DOCK8: variants seen among roughly 807,000 people sequenced by gnomAD.
DOCK8 encodes dedicator of cytokinesis protein 8.
Under a neutral mutation model 245.6 loss-of-function variants are expected in DOCK8, and 141 were observed. That is an observed-to-expected ratio of 0.57 (90% CI 0.50 to 0.66). The LOEUF is 0.66. DOCK8 is among the 30% of genes least tolerant of loss of function. DOCK8 has a pLI of 0.00. For synonymous variants in DOCK8, 1,168 were observed against 970.2 expected (o/e 1.20, Z -3.79); for missense variants, 2,965 against 2,603.4 (o/e 1.14, Z -3.02).
chr9:403,917 C>CAT (rs752540957), intron 26 of DOCK8, among the ~76,000 whole-genome samples: 65 of 65,118 alleles, frequency 1.0e-3, no homozygotes, highest in African/African-American at 2.8e-3. Context: ...TATATATATA[C>CAT]ATATATATAT....
chr9:350,175 C>T (rs79773858), intron 14 of DOCK8, among the ~76,000 whole-genome samples: 3,684 of 152,252 alleles, frequency 0.024, 155 homozygotes, highest in African/African-American at 0.084. Context: ...TGCAGTGGTA[C>T]GATTCTAGCT....
chr9:336,747 AT>A, intron 12 of DOCK8, 29 bp downstream of exon 12: 1 of 1,613,546 alleles, frequency 6.2e-7, no homozygotes, highest in Non-Finnish European at 8.5e-7. Flanking sequence ...GTGTGTCTGG[AT>A]TTTTCCCCAT....
intron 4 of DOCK8, among the ~76,000 whole-genome samples, chr9:301,415 G>A (rs900814851): frequency 6.6e-6 from 1 of 152,160 alleles, no homozygotes; most frequent in Non-Finnish European, 1.5e-5. Flanking sequence ...AGCTGGAAGC[G>A]TTCCTCTTGA....
intron 3 of DOCK8, 99 bp from the exon 4 acceptor site, chr9:289,411 A>C: frequency 3.2e-6 from 3 of 929,004 alleles, no homozygotes; most frequent in Non-Finnish European, 5.3e-6. Context: ...TCTCACTGAT[A>C]AGGATTTAAA....
chr9:448,426 C>T (rs955596385), intron 44 of DOCK8, among the ~76,000 whole-genome samples: 1 of 152,170 alleles, frequency 6.6e-6, no homozygotes, highest in African/African-American at 2.4e-5. Context: ...CTTGGCCTTC[C>T]TTCGTTCCCC....
intron 35 of DOCK8, among the ~76,000 whole-genome samples, chr9:428,824 T>G (rs1416433622): frequency 6.6e-6 from 1 of 152,160 alleles, no homozygotes; most frequent in East Asian, 1.9e-4. Flanking sequence ...CTCTGCTGAG[T>G]GAGATTAAAT....
intron 5 of DOCK8, among the ~76,000 whole-genome samples, chr9:307,097 G>A (rs141522840): frequency 4.3e-4 from 65 of 152,218 alleles, no homozygotes; most frequent in African/African-American, 1.5e-3. Flanking sequence ...AAGGAGCCAG[G>A]CCCTTTGACC....
rs1255825416 is a variant in DOCK8 at position 404,926 on chromosome 9, C to G, written c.3243C>G (p.Ala1081=). Residue 1081 remains alanine (A), a synonymous_variant, in exon 27 of 48, where the codon GCC becomes GCG. Coordinates refer to ENST00000432829, the MANE Select transcript of DOCK8 (RefSeq NM_203447.4). The stretch of plus-strand genomic sequence containing the variant: ...TTCATTTTTCTTCCCAGCTGTCAGC[C>G]AAGCTCAGTAACCTTCCAACGCTCA... ...LIRHYCSQLS[A]KLSNLPTLIS... The G allele has an allele frequency of 1.2e-6, 2 of 1,614,064 alleles. No individual in the cohort carries two copies. The highest frequency in any genetic ancestry group is 1.7e-6 in the Non-Finnish European group (2 of 1,180,016).
Position 451,967 on chromosome 9 carries a change from ATATATATATATTTTTTTTT to A in DOCK8, c.5962-42_5962-24del, listed in dbSNP as rs1564085326. On this transcript the variant is annotated intron_variant, in intron 45 of 47. Coordinates refer to ENST00000432829, the MANE Select transcript of DOCK8 (RefSeq NM_203447.4). Reference sequence around the variant, plus strand: ...TATGTGTGTGTGTGTATATATATATATATATATATATTTTTTTTTTTTTTTTTTTTTTTTTCCCACCAGG... The same window carrying A: ...TATGTGTGTGTGTGTATATATATATATTTTTTTTTTTTTTTTCCCACCAGG... 1.3e-5 allele frequency: 5 copies of A among 384,454 alleles called. No homozygotes were observed. The African/African-American group carries it at 1.8e-4, about 14-fold the overall frequency. 23.8% of individuals were successfully genotyped at this position (384,454 alleles called of 1,614,324 possible).
intron 35 of DOCK8, among the ~76,000 whole-genome samples, chr9:429,300 C>T (rs1013256427): frequency 2.6e-5 from 4 of 152,136 alleles, no homozygotes; most frequent in Non-Finnish European, 5.9e-5. Context: ...TCAATTGGTG[C>T]CTTCTACATG....
intron 1 of DOCK8, among the ~76,000 whole-genome samples, chr9:244,071 C>T (rs1331916092): frequency 1.3e-5 from 2 of 151,774 alleles, no homozygotes; most frequent in Non-Finnish European, 2.9e-5. Context: ...GCTTGTAGTC[C>T]CAGCTACTCT....
chr9:408,323 A>C (rs888502361), intron 28 of DOCK8, among the ~76,000 whole-genome samples: 1 of 152,206 alleles, frequency 6.6e-6, no homozygotes, highest in Non-Finnish European at 1.5e-5. Context: ...AAGTGACTCT[A>C]TGTCTGCGTC....
At chr9:401,515 C>G (rs1374724932) in intron 26 of DOCK8, among the ~76,000 whole-genome samples, 2 of 152,160 alleles carry the variant, frequency 1.3e-5, no homozygotes, top group African/African-American at 4.8e-5. Flanking sequence ...ATCTGCAAGG[C>G]TCTATCTTAT....
Position 259,525 on chromosome 9 carries a change from C to T in DOCK8, c.54-12102C>T, listed in dbSNP as rs529963364. On this transcript the variant is annotated intron_variant, in intron 1 of 47. Coordinates refer to ENST00000432829, the MANE Select transcript of DOCK8 (RefSeq NM_203447.4). Reference sequence around the variant, plus strand: ...TGGGTTCAAATCCTCCAGACATTTCCAGCCCTGAGTTTTGCATTTGTTAAA... The same window carrying T: ...TGGGTTCAAATCCTCCAGACATTTCTAGCCCTGAGTTTTGCATTTGTTAAA... Among the ~76,000 whole-genome samples the T allele has an allele frequency of 4.3e-4, 66 of 152,230 alleles. 1 individual carries two copies. Among genetic ancestry groups the T allele is most frequent in the African/African-American group, 1.4e-3 (59 of 41,546 alleles).
intron 14 of DOCK8, among the ~76,000 whole-genome samples, chr9:341,127 T>C (rs1033197988): frequency 7.2e-5 from 11 of 152,256 alleles, no homozygotes; most frequent in Admixed American, 4.6e-4. Context: ...TAATCACATG[T>C]AGCTGTTCAG....
chr9:290,946 T>C (rs941454723), intron 4 of DOCK8, among the ~76,000 whole-genome samples: 3 of 152,144 alleles, frequency 2.0e-5, no homozygotes, highest in African/African-American at 7.2e-5. Context: ...AGAGAAAGCA[T>C]TCATTATTAA....
chr9:406,944 C>T lies in DOCK8; in HGVS notation c.3405C>T (p.Cys1135=), dbSNP rs547879648. The stretch of plus-strand genomic sequence containing the variant: ...CGTTTCTGTAGAACTCAAGCTCCTG[C>T]TCCAGCTTCCAGGACCAGAAGATCG... ...PSISSQNSSS[C]SSFQDQKIAS... The change falls in exon 28 of 48, where the codon TGC becomes TGT. Residue 1135 remains cysteine (C), a synonymous_variant. Transcript: ENST00000432829. 6.2e-7 allele frequency: 1 copy of T among 1,614,126 alleles called. No homozygotes were observed. The highest frequency in any genetic ancestry group is 2.2e-5 in the East Asian group (1 of 44,882).
intron 26 of DOCK8, among the ~76,000 whole-genome samples, chr9:401,264 T>G (rs1338767938): frequency 6.6e-6 from 1 of 152,166 alleles, no homozygotes; most frequent in African/African-American, 2.4e-5. Flanking sequence ...TAAAAAGCAG[T>G]GACATACAAG....
chr9:382,757 C>T lies in DOCK8; in HGVS notation c.2778+72C>T. 1.9e-6 allele frequency: 3 copies of T among 1,565,246 alleles called. No homozygotes were observed. In the South Asian group the frequency reaches 3.5e-5, roughly 18 times the overall value. ...TTTTAACTAAAACTTGGAGAAGTAACACAGAAGCAACCACTACTGCTGCCC... is the reference window on the plus strand; with the variant it reads ...TTTTAACTAAAACTTGGAGAAGTAATACAGAAGCAACCACTACTGCTGCCC... On this transcript the variant is annotated intron_variant, in intron 22 of 47. Coordinates refer to ENST00000432829, the MANE Select transcript of DOCK8 (RefSeq NM_203447.4).
Sources: allele counts gnomAD v4.1 joint callset (sites outside exome capture counted in the v4.1 genomes callset), GRCh38; gene constraint gnomAD v4.1.1; transcripts MANE v1.5; gene names NCBI Gene and HGNC (gene_info 2026-07-23, HGNC 2026-07-21).